NKAIN3: variants seen among roughly 807,000 people sequenced by gnomAD.
NKAIN3 encodes sodium/potassium transporting ATPase interacting 3.
A neutral mutation model predicts 30.2 loss-of-function variants in NKAIN3; 25 were observed. The observed-to-expected ratio is 0.83, with a 90% CI of 0.60 to 1.16. The LOEUF is 1.16. Ranked by LOEUF, NKAIN3 falls within the 50% of genes most tolerant of loss-of-function variation. The pLI is 0.00. For synonymous variants in NKAIN3, 91 were observed against 89.6 expected (o/e 1.02, Z -0.09); for missense variants, 225 against 254.1 (o/e 0.89, Z 0.78).
chr8:62,674,363 AC>A (rs1196748416), intron 3 of NKAIN3, among the ~76,000 whole-genome samples: 1 of 152,122 alleles, frequency 6.6e-6, no homozygotes. Context: ...TGTAACTGTT[AC>A]CTTCTTTATA....
chr8:62,760,010 T>C (rs578166465), intron 4 of NKAIN3, among the ~76,000 whole-genome samples: 5 of 151,980 alleles, frequency 3.3e-5, no homozygotes, highest in East Asian at 1.9e-4. Flanking sequence ...ATGCAGCCAA[T>C]AGACACATGA....
At chr8:62,727,463 A>T (rs1815297129) in intron 3 of NKAIN3, among the ~76,000 whole-genome samples, 1 of 152,168 alleles carries the variant, frequency 6.6e-6, no homozygotes, top group Admixed American at 6.5e-5. Flanking sequence ...AACAACAATA[A>T]CAAACTCCTA....
intron 5 of NKAIN3, among the ~76,000 whole-genome samples, chr8:62,921,051 AG>A (rs1240043641): frequency 4.6e-5 from 7 of 152,220 alleles, no homozygotes; most frequent in Non-Finnish European, 7.3e-5. Context: ...CTCATACACT[AG>A]TACTATTTGT....
intron 4 of NKAIN3, among the ~76,000 whole-genome samples, chr8:62,831,249 G>GA (rs1281646201): frequency 3.3e-5 from 5 of 151,880 alleles, no homozygotes; most frequent in African/African-American, 4.8e-5. Flanking sequence ...AGGGAAAAAT[G>GA]AAAAAAATTA....
At chr8:62,856,704 C>T (rs1480170063) in intron 4 of NKAIN3, 15 of 735,646 alleles carry the variant, frequency 2.0e-5, no homozygotes, top group Admixed American at 3.9e-5. Flanking sequence ...GTCTTGGAAA[C>T]GTTTTTGTTC....
intron 1 of NKAIN3, among the ~76,000 whole-genome samples, chr8:62,392,061 C>T (rs932036465): frequency 6.6e-6 from 1 of 151,794 alleles, no homozygotes; most frequent in Non-Finnish European, 1.5e-5. Context: ...TAATTAAAGC[C>T]CTAAAAAGTA....
Position 62,965,577 on chromosome 8 carries a change from A to AT in NKAIN3, c.*177dup, listed in dbSNP as rs1301187157. ...ATGAGTTCTAGGTGCTTGGGTGGGT[A>AT]TTTTTTTAGTCGTTTTCTTCTTATA... On this transcript the variant is annotated 3_prime_UTR_variant, in exon 7 of 7. Coordinates refer to ENST00000623646, the MANE Select transcript of NKAIN3 (RefSeq NM_001304533.3). 2.1e-6 allele frequency: 2 copies of AT among 973,050 alleles called. No individual in the cohort carries two copies. Among genetic ancestry groups the AT allele is most frequent in the Non-Finnish European group, 2.4e-6 (2 of 824,918 alleles). The allele number at this position is 973,050 out of a possible 1,614,324, so 60.3% of individuals were successfully genotyped here.
At chr8:62,722,801 G>T (rs1563531919) in intron 3 of NKAIN3, among the ~76,000 whole-genome samples, 1 of 152,088 alleles carries the variant, frequency 6.6e-6, no homozygotes, top group Admixed American at 6.6e-5. Flanking sequence ...TGGAGAGTCA[G>T]GCAACAAGAA....
At chr8:62,885,625 C>G (rs1274961833) in intron 4 of NKAIN3, among the ~76,000 whole-genome samples, 4 of 152,150 alleles carry the variant, frequency 2.6e-5, no homozygotes, top group African/African-American at 9.7e-5. Context: ...TCTCTTTGCT[C>G]TTCTATCAGT....
intron 4 of NKAIN3, among the ~76,000 whole-genome samples, chr8:62,896,683 C>A (rs1050466316): frequency 6.6e-6 from 1 of 152,110 alleles, no homozygotes; most frequent in Non-Finnish European, 1.5e-5. Flanking sequence ...GGTGCTGGGG[C>A]CAGGCTGAAA....
intron 3 of NKAIN3, among the ~76,000 whole-genome samples, chr8:62,598,218 G>A (rs1563477192): frequency 6.6e-6 from 1 of 152,074 alleles, no homozygotes; most frequent in Non-Finnish European, 1.5e-5. Context: ...TCAACAGCAA[G>A]AGGGGAACCG....
At chr8:62,383,160 C>T (rs1167906146) in intron 1 of NKAIN3, among the ~76,000 whole-genome samples, 1 of 152,040 alleles carries the variant, frequency 6.6e-6, no homozygotes, top group African/African-American at 2.4e-5. Flanking sequence ...TACTCAATAC[C>T]AAAAGAACTT....
At chr8:62,532,225 G>A (rs1808510348) in intron 1 of NKAIN3, among the ~76,000 whole-genome samples, 1 of 152,080 alleles carries the variant, frequency 6.6e-6, no homozygotes, top group Admixed American at 6.6e-5. Context: ...CACTGATAAG[G>A]ACTGTTATCT....
intron 1 of NKAIN3, among the ~76,000 whole-genome samples, chr8:62,488,490 A>G (rs1319791123): frequency 3.3e-5 from 5 of 152,038 alleles, no homozygotes; most frequent in African/African-American, 1.2e-4. Flanking sequence ...TTTCTTTTTC[A>G]TCTTCATATC....
intron 1 of NKAIN3, among the ~76,000 whole-genome samples, chr8:62,368,775 A>G (rs1416980954): frequency 6.6e-6 from 1 of 151,618 alleles, no homozygotes; most frequent in African/African-American, 2.4e-5. Context: ...AATTATCTCA[A>G]AACTATTATT....
intron 1 of NKAIN3, among the ~76,000 whole-genome samples, chr8:62,261,799 C>A (rs994715738): frequency 6.6e-6 from 1 of 152,142 alleles, no homozygotes. Context: ...TGTTACAATG[C>A]GGAACAAAAT....
intron 5 of NKAIN3, among the ~76,000 whole-genome samples, chr8:62,946,831 C>T (rs1022111172): frequency 4.6e-5 from 7 of 152,328 alleles, no homozygotes; most frequent in Middle Eastern, 3.4e-3. Flanking sequence ...CTTCCTGAGT[C>T]TTTTCTTTTC....
At chr8:62,282,318 G>A (rs1418178285) in intron 1 of NKAIN3, among the ~76,000 whole-genome samples, 1 of 152,240 alleles carries the variant, frequency 6.6e-6, no homozygotes, top group Middle Eastern at 3.4e-3. Context: ...AACCAAAGAT[G>A]CCTGCACACC....
At chr8:62,629,559 A>G (rs1415389473) in intron 3 of NKAIN3, among the ~76,000 whole-genome samples, 1 of 152,126 alleles carries the variant, frequency 6.6e-6, no homozygotes, top group Non-Finnish European at 1.5e-5. Context: ...ATCACCAAGA[A>G]CAATATTGGC....
Sources: gnomAD v4.1 joint callset for allele counts (sites outside exome capture counted in the v4.1 genomes callset) on GRCh38, gnomAD v4.1.1 for gene constraint, MANE v1.5 for transcripts, NCBI Gene and HGNC (gene_info 2026-07-23, HGNC 2026-07-21) for gene names.